The following NOB1 variants were observed in gnomAD, a reference collection of about 807,000 sequenced individuals.
NOB1 encodes the protein NIN1 (RPN12) binding protein 1 homolog, also known as RNA-binding protein NOB1.
Under a neutral mutation model 44.8 loss-of-function variants are expected in NOB1, and 44 were observed. The ratio of observed to expected loss-of-function variants is 0.98; its 90% confidence interval spans 0.77 to 1.26. The LOEUF is 1.26. Among genes scored for constraint, NOB1 ranks in the 50% most tolerant of loss-of-function variants. NOB1 has a pLI of 0.00. For synonymous variants in NOB1, 238 were observed against 218.7 expected (o/e 1.09, Z -0.78); for missense variants, 560 against 544.8 (o/e 1.03, Z -0.28).
At chr16:69,754,554 G>T (rs200237159) in intron 2 of NOB1, 40 bp downstream of exon 2, 2 of 1,609,566 alleles carry the variant, frequency 1.2e-6, no homozygotes, top group East Asian at 4.5e-5. Context: ...CTGCGCCCTG[G>T]ACCCCAGCTT....
At chr16:69,742,914 T>C (rs1473530324) in intron 8 of NOB1, among the ~76,000 whole-genome samples, 1 of 152,172 alleles carries the variant, frequency 6.6e-6, no homozygotes, top group African/African-American at 2.4e-5. Flanking sequence ...GCTCTGTCCA[T>C]TGTAGCCAAG....
At chr16:69,748,022 G>A (rs1205976981) in intron 7 of NOB1, among the ~76,000 whole-genome samples, 1 of 151,988 alleles carries the variant, frequency 6.6e-6, no homozygotes, top group Admixed American at 6.6e-5. Context: ...TAAATTAGTC[G>A]GGTGCAGTGG....
At chr16:69,742,689 G>T (rs111771425) in intron 8 of NOB1, 88 bp from the exon 9 acceptor site, 1 of 1,379,756 alleles carries the variant, frequency 7.2e-7, no homozygotes, top group African/African-American at 1.4e-5. Context: ...CGACCTTGCA[G>T]ATCCTGGTGC....
chr16:69,749,751 G>A (rs1268335641), intron 3 of NOB1, 121 bp from the exon 4 acceptor site: 1 of 671,936 alleles, frequency 1.5e-6, no homozygotes, highest in African/African-American at 1.8e-5. Context: ...GCCGAGGTGG[G>A]CGGATCACCC....
intron 7 of NOB1, 124 bp from the exon 8 acceptor site, chr16:69,745,141 G>A (rs2038419646): frequency 1.0e-6 from 1 of 981,634 alleles, no homozygotes; most frequent in East Asian, 2.6e-5. Flanking sequence ...CACCACACAT[G>A]TCACAAAGAC....
At chr16:69,754,204 G>T (rs563855572) in intron 2 of NOB1, among the ~76,000 whole-genome samples, 1 of 152,274 alleles carries the variant, frequency 6.6e-6, no homozygotes, top group Admixed American at 6.5e-5. Flanking sequence ...CTACTGAAAA[G>T]AAATGGACGA....
At chr16:69,747,333 T>C (rs1567642795) in intron 7 of NOB1, among the ~76,000 whole-genome samples, 1 of 150,888 alleles carries the variant, frequency 6.6e-6, no homozygotes, top group Admixed American at 6.6e-5. Flanking sequence ...AGGCCAGGAG[T>C]TAAAGACCAG....
At chr16:69,746,745 A>G (rs2038434619) in intron 7 of NOB1, among the ~76,000 whole-genome samples, 1 of 152,106 alleles carries the variant, frequency 6.6e-6, no homozygotes, top group African/African-American at 2.4e-5. Flanking sequence ...GTCACTACTA[A>G]AAATACAAAA....
At position 69,742,003 on chromosome 16, in the gene NOB1, TA is replaced by T. The variant is rs2151751938; in HGVS notation, c.*328del. 4.0e-6 allele frequency: 1 copy of T among 252,180 alleles called. No homozygotes were observed. Among genetic ancestry groups the T allele is most frequent in the African/African-American group, 2.2e-5 (1 of 44,722 alleles). 15.6% of individuals were successfully genotyped at this position (252,180 alleles called of 1,614,324 possible). On this transcript the variant is annotated 3_prime_UTR_variant, in exon 9 of 9. Transcript: ENST00000268802. The stretch of plus-strand genomic sequence containing the variant: ...GCAGCAAAAATTTGGCCTATTTAAT[TA>T]AATGCACAGGAGGTTGCAGCCGCAT...
chr16:69,745,106 G>A (rs1215325734), intron 7 of NOB1, 89 bp from the exon 8 acceptor site: 6 of 1,402,552 alleles, frequency 4.3e-6, no homozygotes, highest in Admixed American at 3.8e-5. Flanking sequence ...GGCCTCAGGA[G>A]AAGAAACAGG....
Position 69,749,717 on chromosome 16 carries a change from C to A in NOB1, c.328-87G>T. The A allele has an allele frequency of 9.3e-6, 9 of 972,800 alleles. No homozygotes were observed. In the South Asian group the frequency reaches 1.4e-4, roughly 15 times the overall value. 60.3% of individuals were successfully genotyped at this position (972,800 alleles called of 1,614,324 possible). On this transcript the variant is annotated intron_variant, in intron 3 of 8. Coordinates refer to ENST00000268802, the MANE Select transcript of NOB1 (RefSeq NM_014062.3). ...TTTTGGCCGGGCACGATGGCTCATG[C>A]CTGTAATCCCAGCACTTTAGGAGGC...
chr16:69,745,391 G>A (rs1288886257), intron 7 of NOB1, among the ~76,000 whole-genome samples: 1 of 152,182 alleles, frequency 6.6e-6, no homozygotes, highest in Non-Finnish European at 1.5e-5. Context: ...CTTGCTCAAG[G>A]TCACCCAGCT....
At position 69,754,865 on chromosome 16, in the gene NOB1, GCAGGAAAGCC is replaced by G; in HGVS notation, c.36_45del (p.Ala13GlyfsTer51). 6.3e-7 allele frequency: 1 copy of G among 1,597,516 alleles called. No individual in the cohort carries two copies. The highest frequency in any genetic ancestry group is 1.3e-5 in the African/African-American group (1 of 74,842). On this transcript the variant is annotated frameshift_variant, in exon 1 of 9. Transcript: ENST00000268802. LOFTEE classifies it high-confidence loss of function. The stretch of plus-strand genomic sequence containing the variant: ...CCCCGTACCTGCAGAGCCGCATGCC[GCAGGAAAGCC>G]CCAGCATCCGCCACAACGTGCTCCA...
At chr16:69,752,867 G>A (rs2038494548) in intron 2 of NOB1, among the ~76,000 whole-genome samples, 2 of 152,082 alleles carry the variant, frequency 1.3e-5, no homozygotes, top group African/African-American at 2.4e-5. Context: ...CCTGGGAGGC[G>A]GAGGTTGCAG....
At chr16:69,742,951 C>T (rs537257443) in intron 8 of NOB1, among the ~76,000 whole-genome samples, 59 of 152,256 alleles carry the variant, frequency 3.9e-4, no homozygotes, top group Non-Finnish European at 6.9e-4. Context: ...GGACAACAGA[C>T]ACACCCAGTC....
Position 69,742,395 on chromosome 16 carries a change from C to A in NOB1, c.1176G>T (p.Leu392Phe). ...GATTTAAGCGTCTCCGCCCAGCTCC[C>A]AAGGTGCTGTCCCGGACCTGCAGGG... is the stretch of plus-strand genomic sequence containing the variant. ...SATLQVRDST[L>F]GAGRRRLNPN... The change falls in exon 9 of 9, where the codon TTG becomes TTT. Residue 392 changes from leucine to phenylalanine, a missense_variant. Transcript: ENST00000268802. 6.2e-7 allele frequency: 1 copy of A among 1,614,246 alleles called. No individual in the cohort carries two copies. Among genetic ancestry groups the A allele is most frequent in the South Asian group, 1.1e-5 (1 of 91,090 alleles).
Position 69,744,947 on chromosome 16 carries a change from T to C in NOB1, c.895A>G (p.Thr299Ala), listed in dbSNP as rs753909517. ...TGCAGGGTGCCGTCGTCGCTGACGG[T>C]CACGGACACTTTCTTCAGGGTCTTG... is the stretch of plus-strand genomic sequence containing the variant. ...GNKTLKKVSV[T>A]VSDDGTLHMH... Residue 299 changes from threonine to alanine, a missense_variant, in exon 8 of 9, where the codon ACC (threonine) becomes GCC (alanine). Coordinates refer to ENST00000268802, the MANE Select transcript of NOB1 (RefSeq NM_014062.3). 10 of 1,614,162 alleles carry C rather than the reference T, an allele frequency of 6.2e-6. No individual in the cohort carries two copies. Among genetic ancestry groups the C allele is most frequent in the Non-Finnish European group, 8.5e-6 (10 of 1,180,034 alleles).
Position 69,742,468 on chromosome 16 carries a change from G to A in NOB1, c.1103C>T (p.Ala368Val), listed in dbSNP as rs767966673. The change falls in exon 9 of 9, where the codon GCC (alanine) becomes GTC (valine). Residue 368 changes from alanine to valine, a missense_variant. Transcript: ENST00000268802. Reference protein sequence around the residue: ...KTNVFAPDYIAGVSPFVENDI... With the variant: ...KTNVFAPDYIVGVSPFVENDI... ...ATTCTCGACAAAGGGTGACACCCCG[G>A]CGATGTAGTCAGGGGCGAACACGTT... The A allele has an allele frequency of 1.2e-6, 2 of 1,614,132 alleles. No homozygotes were observed. Among genetic ancestry groups the A allele is most frequent in the African/African-American group, 2.7e-5 (2 of 74,938 alleles).
intron 8 of NOB1, among the ~76,000 whole-genome samples, chr16:69,744,615 A>G (rs1263202947): frequency 1.3e-5 from 2 of 151,958 alleles, no homozygotes; most frequent in Admixed American, 1.3e-4. Flanking sequence ...ACTCCTGCAC[A>G]AATCTAACCT....
Sources: allele counts gnomAD v4.1 joint callset (sites outside exome capture counted in the v4.1 genomes callset), GRCh38; gene constraint gnomAD v4.1.1; transcripts MANE v1.5; gene names NCBI Gene and HGNC (gene_info 2026-07-23, HGNC 2026-07-21).